Variants in WHAMM observed in about 807,000 individuals in gnomAD.
WHAMM encodes the protein WASP homolog associated with actin, golgi membranes and microtubules, also known as WASP homolog-associated protein with actin, membranes and microtubules.
A neutral mutation model predicts 76.5 loss-of-function variants in WHAMM; 67 were observed. The observed-to-expected ratio is 0.88, with a 90% CI of 0.72 to 1.07. The LOEUF (loss-of-function observed/expected upper bound fraction) is 1.07, where lower values mean the gene tolerates loss of function less well. Among genes scored for constraint, WHAMM ranks in the 50% least tolerant of loss-of-function variants. The probability of loss-of-function intolerance (pLI) is 0.00; values close to 1 mark genes in which losing one functional copy is unlikely to be tolerated. For synonymous variants in WHAMM, 419 were observed against 422.1 expected (o/e 0.99, Z 0.09); for missense variants, 1,021 against 1,051.1 (o/e 0.97, Z 0.40).
chr15:82,824,961 A>G lies in WHAMM; in HGVS notation c.1459-1449A>G, dbSNP rs2050905245. Among the ~76,000 whole-genome samples, 3 of 152,224 alleles carry G rather than the reference A, an allele frequency of 2.0e-5. No individual in the cohort carries two copies. The South Asian group carries it at 6.2e-4, about 32-fold the overall frequency. On this transcript the variant is annotated intron_variant, in intron 6 of 9. Coordinates refer to ENST00000286760, the MANE Select transcript of WHAMM (RefSeq NM_001080435.3). ...CACTTAAGGCCAGAAGTTCAAGACC[A>G]GGGACAACACAGTGAGACCTCATCT...
At position 82,810,110 on chromosome 15, in the gene WHAMM, G is replaced by A; in HGVS notation, c.384G>A (p.Ala128=). The change falls in exon 1 of 10, where the codon GCG becomes GCA. Residue 128 remains alanine, a synonymous_variant. Coordinates refer to ENST00000286760, the MANE Select transcript of WHAMM (RefSeq NM_001080435.3). ...GGGGTCTGGGGCTCGGGCTGTGGGC[G>A]CTGCTGTGGCCGACGCGCGCGGGTC... is the stretch of plus-strand genomic sequence containing the variant. The part of the protein sequence containing the change: ...GAWGLGLGLW[A]LLWPTRAGPG... The A allele has an allele frequency of 2.3e-6, 3 of 1,324,782 alleles. No individual in the cohort carries two copies. Among genetic ancestry groups the A allele is most frequent in the Middle Eastern group, 2.9e-4 (1 of 3,440 alleles). The allele number at this position is 1,324,782 out of a possible 1,614,324, so 82.1% of individuals were successfully genotyped here.
rs1169559408 is a variant in WHAMM, at chr15:82,831,042, G to A, written c.2085G>A (p.Glu695=). The A allele has an allele frequency of 1.2e-6, 2 of 1,610,092 alleles. No individual in the cohort carries two copies. Among genetic ancestry groups the A allele is most frequent in the Non-Finnish European group, 1.7e-6 (2 of 1,179,838 alleles). ...CTCTAGTGTGCGAATCACCTGCTGA[G>A]CGACCACGTGACTCCTTGGAAAGTT... ...PRPLVCESPA[E]RPRDSLESFS... Residue 695 remains glutamate (E), a synonymous_variant, in exon 9 of 10, where the codon GAG becomes GAA. Coordinates refer to ENST00000286760, the MANE Select transcript of WHAMM (RefSeq NM_001080435.3).
chr15:82,826,031 G>T (rs1251686836), intron 6 of WHAMM, among the ~76,000 whole-genome samples: 2 of 152,144 alleles, frequency 1.3e-5, no homozygotes, highest in African/African-American at 4.8e-5. Flanking sequence ...GTATTTGTAG[G>T]TTGCTCTGCT....
In WHAMM at chr15:82,831,026, G is replaced by A. The variant is rs770300757; in HGVS notation, c.2069G>A (p.Cys690Tyr). Residue 690 changes from cysteine to tyrosine, a missense_variant, in exon 9 of 10, where the codon TGC becomes TAC. This residue lies in a region of WHAMM where 509 missense variants were observed against 492.3 expected (regional missense o/e 1.03). Transcript: ENST00000286760. ...GATGACCAGCCACGTCCTCTAGTGTGCGAATCACCTGCTGAGCGACCACGT... is the reference window on the plus strand; with the variant it reads ...GATGACCAGCCACGTCCTCTAGTGTACGAATCACCTGCTGAGCGACCACGT... ...VKDDQPRPLV[C>Y]ESPAERPRDS... 6.2e-7 allele frequency: 1 copy of A among 1,610,492 alleles called. No homozygotes were observed. Among genetic ancestry groups the A allele is most frequent in the Admixed American group, 1.7e-5 (1 of 59,738 alleles).
chr15:82,821,581 T>G (rs1299057983), intron 5 of WHAMM, among the ~76,000 whole-genome samples: 1 of 152,222 alleles, frequency 6.6e-6, no homozygotes, highest in African/African-American at 2.4e-5. Flanking sequence ...GTGAGTGGCT[T>G]CTGCTGCTGG....
rs2050590006 is a variant in WHAMM at position 82,809,660 on chromosome 15, G to T, written c.-67G>T. 1 of 1,272,922 alleles carries T rather than the reference G, an allele frequency of 7.9e-7. No homozygotes were observed. Among genetic ancestry groups the T allele is most frequent in the Non-Finnish European group, 1.0e-6 (1 of 983,396 alleles). The allele number at this position is 1,272,922 out of a possible 1,614,324, so 78.9% of individuals were successfully genotyped here. ...AAAATGATTTGGCTCGGACTGTCCCGTGACAGGCGGTGCGAGGAGGCCAGG... is the reference window on the plus strand; with the variant it reads ...AAAATGATTTGGCTCGGACTGTCCCTTGACAGGCGGTGCGAGGAGGCCAGG... On this transcript the variant is annotated 5_prime_UTR_variant, in exon 1 of 10. Coordinates refer to ENST00000286760, the MANE Select transcript of WHAMM (RefSeq NM_001080435.3).
chr15:82,817,518 T>G (rs2050746080), intron 3 of WHAMM, among the ~76,000 whole-genome samples: 1 of 152,206 alleles, frequency 6.6e-6, no homozygotes, highest in Non-Finnish European at 1.5e-5. Flanking sequence ...TAAGCATGAT[T>G]CTTGATTTTT....
rs887305606 is a variant in WHAMM, at chr15:82,833,245, G to A, written c.2139G>A (p.Val713=). 1 of 1,613,798 alleles carries A rather than the reference G, an allele frequency of 6.2e-7. No homozygotes were observed. The highest frequency in any genetic ancestry group is 8.5e-7 in the Non-Finnish European group (1 of 1,179,816). The part of the protein sequence containing the change: ...SFSCPGSMDE[V]LASLRHGRAP... Reference sequence around the variant, plus strand: ...CAATTTCAGGATCTATGGATGAAGTGTTGGCCTCCTTAAGGCATGGCAGAG... The same window carrying A: ...CAATTTCAGGATCTATGGATGAAGTATTGGCCTCCTTAAGGCATGGCAGAG... The change falls in exon 10 of 10, where the codon GTG becomes GTA. Residue 713 remains valine, a synonymous_variant. Coordinates refer to ENST00000286760, the MANE Select transcript of WHAMM (RefSeq NM_001080435.3).
rs147318291 is a variant in WHAMM, at chr15:82,819,243, A to G, written c.1105-80A>G. On this transcript the variant is annotated intron_variant, in intron 4 of 9. Coordinates refer to ENST00000286760, the MANE Select transcript of WHAMM (RefSeq NM_001080435.3). ...ATTTAGTACTGAACAAGGAATAGAA[A>G]ATAGCTAGAATGCTTCTAAAGTTTG... is the stretch of plus-strand genomic sequence containing the variant. The G allele has an allele frequency of 4.6e-3, 2,501 of 547,158 alleles. 51 individuals are homozygous for G. The highest frequency in any genetic ancestry group is 0.044 in the African/African-American group (2,224 of 50,402). The allele number at this position is 547,158 out of a possible 1,614,324, so 33.9% of individuals were successfully genotyped here.
At chr15:82,827,070 G>C (rs957204071) in intron 8 of WHAMM, among the ~76,000 whole-genome samples, 1 of 152,124 alleles carries the variant, frequency 6.6e-6, no homozygotes, top group Non-Finnish European at 1.5e-5. Context: ...ATCACAACAC[G>C]CTTGGGTTCC....
intron 5 of WHAMM, among the ~76,000 whole-genome samples, chr15:82,821,201 T>C (rs1220697616): frequency 1.3e-5 from 2 of 152,208 alleles, no homozygotes; most frequent in Non-Finnish European, 2.9e-5. Flanking sequence ...GCAAATAATC[T>C]CTCCTTGTCA....
chr15:82,827,403 T>C (rs2050953567), intron 8 of WHAMM, among the ~76,000 whole-genome samples: 1 of 152,182 alleles, frequency 6.6e-6, no homozygotes, highest in South Asian at 2.1e-4. Context: ...AAAATGATCC[T>C]GAGTCTAATT....
chr15:82,816,311 A>G (rs1005054365), intron 2 of WHAMM, among the ~76,000 whole-genome samples: 1 of 152,254 alleles, frequency 6.6e-6, no homozygotes, highest in African/African-American at 2.4e-5. Flanking sequence ...AACAGTAACA[A>G]CAGCTAATAC....
intron 3 of WHAMM, among the ~76,000 whole-genome samples, chr15:82,817,589 T>C (rs1406695701): frequency 2.0e-5 from 3 of 152,294 alleles, no homozygotes; most frequent in African/African-American, 4.8e-5. Flanking sequence ...GAAAGCAGAA[T>C]GATGATCCTG....
chr15:82,827,920 GAAC>G (rs758007955), intron 8 of WHAMM, among the ~76,000 whole-genome samples: 2 of 151,950 alleles, frequency 1.3e-5, no homozygotes, highest in African/African-American at 4.8e-5. Flanking sequence ...ACTCCAGCCT[GAAC>G]AACAGAGTGA....
Position 82,810,237 on chromosome 15 carries a change from C to T in WHAMM, c.511C>T (p.Pro171Ser), listed in dbSNP as rs751761714. 217 of 1,407,666 alleles carry T rather than the reference C, an allele frequency of 1.5e-4. No individual in the cohort carries two copies. Among genetic ancestry groups the T allele is most frequent in the Middle Eastern group, 1.3e-3 (5 of 3,900 alleles). 87.2% of individuals were successfully genotyped at this position (1,407,666 alleles called of 1,614,324 possible). A position where few individuals can be genotyped will look rare whatever the true frequency, so the allele number is the denominator to read the frequency against. The change falls in exon 1 of 10, where the codon CCG becomes TCG. Residue 171 changes from proline (P) to serine (S), a missense_variant. Coordinates refer to ENST00000286760, the MANE Select transcript of WHAMM (RefSeq NM_001080435.3). ...GGATVRDALF[P>S]AEGGAADCES... ...CGCCACAGTGCGCGACGCACTCTTC[C>T]CGGCTGAGGGCGGCGCGGCCGACTG...
intron 8 of WHAMM, among the ~76,000 whole-genome samples, chr15:82,830,332 T>C (rs2051005565): frequency 6.6e-6 from 1 of 152,204 alleles, no homozygotes; most frequent in Non-Finnish European, 1.5e-5. Context: ...TAAAAGTTGA[T>C]GACTATTTTC....
chr15:82,819,280 C>T, intron 4 of WHAMM, 43 bp from the exon 5 acceptor site: 1 of 805,506 alleles, frequency 1.2e-6, no homozygotes, highest in Non-Finnish European at 1.7e-6. Flanking sequence ...TTTTAATATA[C>T]TAATTTATTT....
chr15:82,825,530 G>A (rs895933936), intron 6 of WHAMM, among the ~76,000 whole-genome samples: 11 of 152,208 alleles, frequency 7.2e-5, no homozygotes, highest in Non-Finnish European at 1.5e-4. Flanking sequence ...TAGTTGAGGT[G>A]AGCTATCAAC....
Sources: allele counts gnomAD v4.1 joint callset (sites outside exome capture counted in the v4.1 genomes callset), GRCh38; gene constraint gnomAD v4.1.1; regional missense constraint gnomAD v4.1.1; transcripts MANE v1.5; gene names NCBI Gene and HGNC (gene_info 2026-07-23, HGNC 2026-07-21).